Variants in MAN2A1 observed in about 807,000 individuals in gnomAD.
The protein encoded by MAN2A1 is alpha-mannosidase 2.
A neutral mutation model predicts 142.6 loss-of-function variants in MAN2A1; 76 were observed. That is an observed-to-expected ratio of 0.53 (90% CI 0.44 to 0.65). The LOEUF is 0.65. Ranked by LOEUF, MAN2A1 falls within the 30% of genes least tolerant of loss-of-function variation. MAN2A1 has a pLI of 0.00. For missense variants in MAN2A1, 1,311 were observed against 1,365.1 expected (o/e 0.96, Z 0.62); for synonymous variants, 559 against 473.2 (o/e 1.18, Z -2.35).
At chr5:109,741,169 G>A (rs1752257471) in intron 4 of MAN2A1, among the ~76,000 whole-genome samples, 1 of 152,116 alleles carries the variant, frequency 6.6e-6, no homozygotes, top group African/African-American at 2.4e-5. Flanking sequence ...GCTTGATCGT[G>A]AACAGTATCA....
At chr5:109,699,126 T>C (rs1750899615) in intron 1 of MAN2A1, among the ~76,000 whole-genome samples, 2 of 152,230 alleles carry the variant, frequency 1.3e-5, no homozygotes, top group South Asian at 4.1e-4. Flanking sequence ...TTTGTTTTCT[T>C]GATTCATCAA....
chr5:109,721,663 G>A (rs1009745821), intron 3 of MAN2A1, among the ~76,000 whole-genome samples: 1 of 152,180 alleles, frequency 6.6e-6, no homozygotes, highest in Non-Finnish European at 1.5e-5. Flanking sequence ...TAAAATATGT[G>A]TATTGAGATT....
intron 3 of MAN2A1, among the ~76,000 whole-genome samples, chr5:109,726,684 A>G (rs1026120495): frequency 5.9e-5 from 9 of 152,220 alleles, no homozygotes; most frequent in Non-Finnish European, 2.9e-5. Context: ...ATCACAGATT[A>G]TAACTGTTGA....
At chr5:109,694,055 A>T (rs1213664983) in intron 1 of MAN2A1, among the ~76,000 whole-genome samples, 1 of 152,196 alleles carries the variant, frequency 6.6e-6, no homozygotes, top group Non-Finnish European at 1.5e-5. Flanking sequence ...TGGTGTGTAT[A>T]ATAGGGTTGT....
chr5:109,696,641 G>A (rs1472644315), intron 1 of MAN2A1, among the ~76,000 whole-genome samples: 2 of 152,158 alleles, frequency 1.3e-5, no homozygotes, highest in Non-Finnish European at 2.9e-5. Context: ...CAACATCACT[G>A]TTCTCTCTCT....
intron 19 of MAN2A1, chr5:109,854,190 C>T (rs1454671234): frequency 1.3e-5 from 2 of 152,140 alleles, no homozygotes; most frequent in Non-Finnish European, 2.9e-5. Context: ...AAATTTGGTT[C>T]AAATGTAACT....
At chr5:109,792,954 C>G (rs1324946878) in intron 12 of MAN2A1, among the ~76,000 whole-genome samples, 4 of 151,966 alleles carry the variant, frequency 2.6e-5, no homozygotes, top group Admixed American at 1.3e-4. Context: ...TTCTTAAGAC[C>G]TAGCTTTGGA....
intron 4 of MAN2A1, among the ~76,000 whole-genome samples, chr5:109,735,420 G>A (rs1752060940): frequency 6.6e-6 from 1 of 152,208 alleles, no homozygotes; most frequent in South Asian, 2.1e-4. Context: ...TCATTTTGAT[G>A]TTAGCTGGTT....
At chr5:109,809,096 C>T (rs939074336) in intron 12 of MAN2A1, among the ~76,000 whole-genome samples, 5 of 152,008 alleles carry the variant, frequency 3.3e-5, no homozygotes, top group Admixed American at 3.3e-4. Flanking sequence ...ATTATAAATG[C>T]TAGATATAAG....
intron 1 of MAN2A1, among the ~76,000 whole-genome samples, chr5:109,694,647 T>C (rs773547945): frequency 5.5e-5 from 8 of 144,636 alleles, no homozygotes; most frequent in Non-Finnish European, 9.0e-5. Flanking sequence ...CTGCTCCCAG[T>C]TGCCTTTTGT....
At chr5:109,817,138 C>G in intron 12 of MAN2A1, 135 bp from the exon 13 acceptor site, 1 of 807,100 alleles carries the variant, frequency 1.2e-6, no homozygotes, top group Non-Finnish European at 1.9e-6. Context: ...TGCACTCCAG[C>G]CTGGGTGACA....
At chr5:109,853,754 ATTG>A in intron 19 of MAN2A1, 1 of 152,276 alleles carries the variant, frequency 6.6e-6, no homozygotes, top group Middle Eastern at 3.4e-3. Flanking sequence ...TCTTGTTGAA[ATTG>A]TTCCCTCTCT....
At chr5:109,736,925 C>T (rs1554074741) in intron 4 of MAN2A1, among the ~76,000 whole-genome samples, 2 of 152,012 alleles carry the variant, frequency 1.3e-5, no homozygotes, top group Non-Finnish European at 1.5e-5. Flanking sequence ...GCTATTTTCT[C>T]ATTATTGTAT....
At chr5:109,767,032 T>C (rs763296755) in intron 5 of MAN2A1, among the ~76,000 whole-genome samples, 5 of 152,186 alleles carry the variant, frequency 3.3e-5, no homozygotes, top group South Asian at 2.1e-4. Flanking sequence ...TCTGCCACTG[T>C]ATCATAAGAT....
intron 3 of MAN2A1, among the ~76,000 whole-genome samples, chr5:109,720,723 A>C (rs537741107): frequency 6.6e-6 from 1 of 152,340 alleles, no homozygotes; most frequent in Admixed American, 6.5e-5. Flanking sequence ...GAAAGTTTAG[A>C]AATTCATGTT....
intron 20 of MAN2A1, among the ~76,000 whole-genome samples, chr5:109,857,291 G>A (rs942766813): frequency 1.3e-5 from 2 of 152,226 alleles, no homozygotes; most frequent in Non-Finnish European, 2.9e-5. Context: ...AGTGAATTGT[G>A]TAGATGTTTT....
At chr5:109,859,376 T>G (rs773150613) in intron 20 of MAN2A1, among the ~76,000 whole-genome samples, 1 of 152,236 alleles carries the variant, frequency 6.6e-6, no homozygotes, top group Non-Finnish European at 1.5e-5. Context: ...ATATCAATTT[T>G]TGGAAAATGA....
rs1056577898 is a variant in MAN2A1 at position 109,713,780 on chromosome 5, G to A, written c.390+6G>A. 1.9e-6 allele frequency: 3 copies of A among 1,586,982 alleles called. No individual in the cohort carries two copies. Among genetic ancestry groups the A allele is most frequent in the East Asian group, 2.3e-5 (1 of 44,440 alleles). ...GTCACAATTCAGATGTGCAGGTAATGTATACATTCGTTAATAATCACTGGC... is the reference window on the plus strand; with the variant it reads ...GTCACAATTCAGATGTGCAGGTAATATATACATTCGTTAATAATCACTGGC... On this transcript the variant is annotated splice_donor_region_variant and intron_variant, in intron 2 of 21. Transcript: ENST00000261483.
chr5:109,854,962 T>C (rs973207612), intron 19 of MAN2A1, 178 bp from the exon 20 acceptor site: 6 of 418,480 alleles, frequency 1.4e-5, no homozygotes, highest in African/African-American at 1.0e-4. Flanking sequence ...TTATTTTCTT[T>C]TATTGCTTAC....
Sources: gnomAD v4.1 joint callset for allele counts (sites outside exome capture counted in the v4.1 genomes callset) on GRCh38, gnomAD v4.1.1 for gene constraint, MANE v1.5 for transcripts, NCBI Gene and HGNC (gene_info 2026-07-23, HGNC 2026-07-21) for gene names.